Variants in EHMT2 observed in about 807,000 individuals in gnomAD.
EHMT2 encodes histone-lysine N-methyltransferase EHMT2.
EHMT2 carries 59 observed loss-of-function variants against 143.3 expected under a neutral mutation model. That is an observed-to-expected ratio of 0.41 (90% CI 0.33 to 0.51). EHMT2 has a LOEUF of 0.51. Ranked by LOEUF, EHMT2 falls within the 20% of genes least tolerant of loss-of-function variation. The probability of loss-of-function intolerance (pLI) is 0.18; values close to 1 mark genes in which losing one functional copy is unlikely to be tolerated. For missense variants in EHMT2, 1,174 were observed against 1,645.9 expected, an observed-to-expected ratio of 0.71 and a Z score of 4.96; for synonymous variants, 604 against 651.5, an observed-to-expected ratio of 0.93 and a Z score of 1.11.
chr6:31,892,346 G>A (rs1765797302), intron 7 of EHMT2, 61 bp downstream of exon 7: 8 of 1,578,148 alleles, frequency 5.1e-6, no homozygotes, highest in Non-Finnish European at 6.9e-6. Flanking sequence ...AAGGAGGACT[G>A]GACAGTGAGC....
chr6:31,892,292 A>G, intron 7 of EHMT2, 115 bp downstream of exon 7: 3 of 1,208,772 alleles, frequency 2.5e-6, no homozygotes, highest in African/African-American at 1.5e-5. Context: ...GACTTAGTGG[A>G]TATTCAGAAG....
chr6:31,897,642 GGCCGCCGCCGCTGCAGCTCCC>G (rs1265471597), exon 1 of EHMT2: 27 of 1,158,478 alleles, frequency 2.3e-5, no homozygotes, highest in South Asian at 4.2e-5. Flanking sequence ...GCACCTCGGC[GGCCGCCGCCGCTGCAGCTCCC>G]GCCGCCGCCG....
At position 31,892,574 on chromosome 6, in the gene EHMT2, T is replaced by C. The variant is rs561320332; in HGVS notation, c.709-12A>G. On this transcript the variant is annotated splice_polypyrimidine_tract_variant and intron_variant, in intron 6 of 27. Transcript: ENST00000375537. ...CCTAACTCCTCTGACTAGAAAAAGA[T>C]CAGAAAAATTGAGGCCACTGACACC... The C allele has an allele frequency of 6.3e-5, 101 of 1,612,558 alleles. No individual in the cohort carries two copies. In the South Asian group the frequency reaches 9.3e-4, roughly 15 times the overall value.
In EHMT2 at chr6:31,881,226, G is replaced by T; in HGVS notation, c.3198-134C>A. 1.3e-6 allele frequency: 1 copy of T among 775,126 alleles called. No individual in the cohort carries two copies. Among genetic ancestry groups the T allele is most frequent in the South Asian group, 1.4e-5 (1 of 69,816 alleles). 48.0% of individuals were successfully genotyped at this position (775,126 alleles called of 1,614,324 possible). On this transcript the variant is annotated intron_variant, in intron 25 of 27. Transcript: ENST00000375537. This position sits in a 1 kb window ranked among gnomAD's most constrained non-coding sequence, Gnocchi z 4.8. ...GCAGGTGTGGGGAAGGGAAGGCCTGGAGCAGCAGTGGTGGGCAAGTGAAAG... is the reference window on the plus strand; with the variant it reads ...GCAGGTGTGGGGAAGGGAAGGCCTGTAGCAGCAGTGGTGGGCAAGTGAAAG...
Position 31,888,238 on chromosome 6 carries a change from G to A in EHMT2, c.1548C>T (p.Ala516=). 2 of 1,613,008 alleles carry A rather than the reference G, an allele frequency of 1.2e-6. No homozygotes were observed. Among genetic ancestry groups the A allele is most frequent in the Non-Finnish European group, 8.5e-7 (1 of 1,179,990 alleles). Residue 516 remains alanine, a synonymous_variant, in exon 13 of 28, where the codon GCC becomes GCT. Coordinates refer to ENST00000375537, the Ensembl canonical transcript of EHMT2. The surrounding 1 kb of genome is among the most constrained non-coding windows in gnomAD (Gnocchi z 7.4). ...ACACACAGGCCTTGTGGAAGCGGTG[G>A]GCCACACGGAAGTCAGGGTGGCACT...
At position 31,889,352 on chromosome 6, in the gene EHMT2, G is replaced by C; in HGVS notation, c.1000-10C>G. On this transcript the variant is annotated splice_polypyrimidine_tract_variant and intron_variant, in intron 8 of 27. Coordinates refer to ENST00000375537, the Ensembl canonical transcript of EHMT2. The surrounding 1 kb of genome is among the most constrained non-coding windows in gnomAD (Gnocchi z 5.1). Reference sequence around the variant, plus strand: ...GGCCACTGGAACCACTCTGGGAAGGGGGAGGAGGAGGAGTTAGGAACCCTC... The same window carrying C: ...GGCCACTGGAACCACTCTGGGAAGGCGGAGGAGGAGGAGTTAGGAACCCTC... 6.2e-7 allele frequency: 1 copy of C among 1,611,284 alleles called. No individual in the cohort carries two copies. The highest frequency in any genetic ancestry group is 8.5e-7 in the Non-Finnish European group (1 of 1,179,670).
chr6:31,895,278 T>C (rs867990418), intron 4 of EHMT2: 7 of 152,234 alleles, frequency 4.6e-5, no homozygotes, highest in Non-Finnish European at 8.8e-5. Flanking sequence ...AAGAACAATG[T>C]ATAGCAGATC....
In EHMT2 at chr6:31,880,839, C is replaced by A; in HGVS notation, c.3286G>T (p.Val1096Leu). ...TAGTAACGGGCATCTATGCAGTACACCTCTCCATCCTGGGGCAGGGGGATG... is the reference window on the plus strand; with the variant it reads ...TAGTAACGGGCATCTATGCAGTACAACTCTCCATCCTGGGGCAGGGGGATG... The change falls in exon 27 of 28, where the codon GTG (valine) becomes TTG (leucine). Residue 1096 changes from valine (V) to leucine (L), a missense_variant. Val to Leu is a conservative substitution (Grantham distance 32). This residue lies in a region of EHMT2 where 44 missense variants were observed against 113.5 expected (regional missense o/e 0.39). Coordinates refer to ENST00000375537, the Ensembl canonical transcript of EHMT2. This position sits in a 1 kb window ranked among gnomAD's most constrained non-coding sequence, Gnocchi z 6.6. 1 of 1,613,734 alleles carries A rather than the reference C, an allele frequency of 6.2e-7. No individual in the cohort carries two copies.
rs968032298 is a variant in EHMT2 at position 31,893,716 on chromosome 6, G to C, written c.583-806C>G. On this transcript the variant is annotated intron_variant, in intron 4 of 27. Transcript: ENST00000375537. The stretch of plus-strand genomic sequence containing the variant: ...ACATGGTACAACATAGATGAACCTT[G>C]AGGACATTATGCTAAGTGAAATAAG... 3 of 262,298 alleles carry C rather than the reference G, an allele frequency of 1.1e-5. No individual in the cohort carries two copies. The East Asian group carries it at 3.0e-4, about 26-fold the overall frequency. 16.2% of individuals were successfully genotyped at this position (262,298 alleles called of 1,614,324 possible).
Position 31,888,079 on chromosome 6 carries a change from G to T in EHMT2, c.1707C>A (p.Ser569=). The stretch of plus-strand genomic sequence containing the variant: ...TGTCTGCTCTCCCGGGGACATCCTG[G>T]GACAGGGGTGGGGGTGCAGGAGCTG... The change falls in exon 13 of 28, where the codon TCC becomes TCA. Residue 569 remains serine, a synonymous_variant. Transcript: ENST00000375537. The surrounding 1 kb of genome is among the most constrained non-coding windows in gnomAD (Gnocchi z 7.4). 6.2e-7 allele frequency: 1 copy of T among 1,605,296 alleles called. No homozygotes were observed.
chr6:31,891,719 C>T (rs974564455), intron 7 of EHMT2, among the ~76,000 whole-genome samples: 5 of 152,038 alleles, frequency 3.3e-5, no homozygotes, highest in Non-Finnish European at 7.4e-5. Context: ...CAAAGAGCAA[C>T]GAAATAAGCA....
intron 25 of EHMT2, 45 bp downstream of exon 25, chr6:31,882,654 T>C (rs763800118): frequency 3.6e-5 from 57 of 1,571,310 alleles, no homozygotes; most frequent in South Asian, 4.6e-5. Context: ...GCAGTGGCCA[T>C]GTATCCCCTT....
Position 31,889,380 on chromosome 6 carries a change from C to A in EHMT2, c.1000-38G>T, listed in dbSNP as rs568501000. On this transcript the variant is annotated intron_variant, in intron 8 of 27. Coordinates refer to ENST00000375537, the Ensembl canonical transcript of EHMT2. This position sits in a 1 kb window ranked among gnomAD's most constrained non-coding sequence, Gnocchi z 5.1. ...AGGAGGAGGAGTTAGGAACCCTCAC[C>A]CCCAGGGGCCCCCCCAACACCTTCA... 1 of 1,609,148 alleles carries A rather than the reference C, an allele frequency of 6.2e-7. No individual in the cohort carries two copies. The highest frequency in any genetic ancestry group is 1.3e-5 in the African/African-American group (1 of 74,922).
chr6:31,892,322 G>A (rs1227044022), intron 7 of EHMT2, 85 bp downstream of exon 7: 54 of 1,485,286 alleles, frequency 3.6e-5, no homozygotes, highest in Non-Finnish European at 4.4e-5. Flanking sequence ...ACAGAAAGCA[G>A]AAAAACAGGG....
Position 31,884,685 on chromosome 6 carries a change from G to A in EHMT2, c.2563C>T (p.Leu855=), listed in dbSNP as rs1435412343. Residue 855 remains leucine, a synonymous_variant, in exon 20 of 28, where the codon CTG becomes TTG. Coordinates refer to ENST00000375537, the Ensembl canonical transcript of EHMT2. This position sits in a 1 kb window ranked among gnomAD's most constrained non-coding sequence, Gnocchi z 7.3. Reference sequence around the variant, plus strand: ...TAGCTCTCCCGAGCTGCGATGTGCAGGGGGGTGTCCCCATGGTAGTTGACA... The same window carrying A: ...TAGCTCTCCCGAGCTGCGATGTGCAAGGGGGTGTCCCCATGGTAGTTGACA... 5 of 1,583,954 alleles carry A rather than the reference G, an allele frequency of 3.2e-6. No individual in the cohort carries two copies. In the African/African-American group the frequency reaches 6.7e-5, roughly 21 times the overall value.
At chr6:31,887,165 G>A in intron 15 of EHMT2, 64 bp from the exon 16 acceptor site, 2 of 1,396,030 alleles carry the variant, frequency 1.4e-6, no homozygotes, top group Admixed American at 2.1e-5. Flanking sequence ...TAGGGGGCAG[G>A]TGGCACTTCT....
intron 25 of EHMT2, among the ~76,000 whole-genome samples, chr6:31,882,393 T>C (rs1054663667): frequency 3.3e-5 from 5 of 152,076 alleles, no homozygotes; most frequent in African/African-American, 1.2e-4. Flanking sequence ...AAACTGGCAC[T>C]TTCTCCAGCT....
intron 17 of EHMT2, 22 bp downstream of exon 17, chr6:31,886,753 G>A (rs1764905051): frequency 2.5e-6 from 4 of 1,613,996 alleles, no homozygotes; most frequent in South Asian, 1.1e-5. Context: ...CGGGGGCCAC[G>A]CCCTGCTGCC....
At position 31,892,336 on chromosome 6, in the gene EHMT2, AAGG is replaced by A. The variant is rs201752483; in HGVS notation, c.864+68_864+70del. ...GACAGAAAGCAGAAAAACAGGGAAC[AAGG>A]AGGACTGGACAGTGAGCCCCAGCCC... On this transcript the variant is annotated intron_variant, in intron 7 of 27. Coordinates refer to ENST00000375537, the Ensembl canonical transcript of EHMT2. The A allele has an allele frequency of 1.3e-3, 1,960 of 1,532,102 alleles. 23 individuals are homozygous for A. The African/African-American group carries it at 0.024, about 19-fold the overall frequency. 94.9% of individuals were successfully genotyped at this position (1,532,102 alleles called of 1,614,324 possible).
Sources: allele counts gnomAD v4.1 joint callset (sites outside exome capture counted in the v4.1 genomes callset), GRCh38; gene constraint gnomAD v4.1.1; regional missense constraint gnomAD v4.1.1; non-coding constraint Gnocchi (gnomAD v3.1); transcripts MANE v1.5; gene names NCBI Gene and HGNC (gene_info 2026-07-23, HGNC 2026-07-21).